Variants in UCHL5 observed in about 807,000 individuals in gnomAD.
UCHL5 encodes the protein ubiquitin carboxyl-terminal hydrolase isozyme L5.
UCHL5 carries 34 observed loss-of-function variants against 53.8 expected under a neutral mutation model. The ratio of observed to expected loss-of-function variants is 0.63; its 90% CI spans 0.48 to 0.84. The LOEUF (loss-of-function observed/expected upper bound fraction) is 0.84, where lower values mean the gene tolerates loss of function less well. UCHL5 is among the 40% of genes least tolerant of loss of function. The pLI is 0.00. For missense variants in UCHL5, 290 were observed against 385.6 expected (o/e 0.75, Z 2.08); for synonymous variants, 111 against 126.3 (o/e 0.88, Z 0.81).
chr1:193,037,866 C>A (rs1416063572), intron 3 of UCHL5, among the ~76,000 whole-genome samples: 1 of 125,944 alleles, frequency 7.9e-6, no homozygotes, highest in Non-Finnish European at 1.6e-5. Flanking sequence ...ACGTTGTGCA[C>A]ATGTACCCTA....
intron 7 of UCHL5, among the ~76,000 whole-genome samples, chr1:193,026,880 G>T (rs1186001289): frequency 6.6e-6 from 1 of 152,082 alleles, no homozygotes; most frequent in Non-Finnish European, 1.5e-5. Flanking sequence ...GAGGCAAAAA[G>T]CTGGTATATC....
At chr1:193,036,317 C>CAAAAAAAAAAAAAAAAA (rs960496083) in intron 3 of UCHL5, among the ~76,000 whole-genome samples, 2 of 50,796 alleles carry the variant, frequency 3.9e-5, no homozygotes, top group African/African-American at 8.9e-5. Flanking sequence ...AACTGGAAAC[C>CAAAAAAAAAAAAAAAAA]AAAAAAAAAA....
At chr1:193,027,110 TA>T (rs915512184) in intron 7 of UCHL5, among the ~76,000 whole-genome samples, 5 of 152,146 alleles carry the variant, frequency 3.3e-5, no homozygotes, top group Non-Finnish European at 5.9e-5. Context: ...TGGTTGTGCC[TA>T]AAAAGAACAA....
intron 10 of UCHL5, chr1:193,018,889 CT>C: frequency 7.2e-7 from 1 of 1,389,948 alleles, no homozygotes; most frequent in Non-Finnish European, 9.7e-7. Context: ...GGTAATTTTT[CT>C]TAGAAGTATT....
At position 193,023,279 on chromosome 1, in the gene UCHL5, C is replaced by T. The variant is rs577870986; in HGVS notation, c.733-243G>A. 5.9e-5 allele frequency among the ~76,000 whole-genome samples: 9 copies of T among 152,220 alleles called. No individual in the cohort carries two copies. The East Asian group carries it at 1.7e-3, about 29-fold the overall frequency. On this transcript the variant is annotated intron_variant, in intron 8 of 10. Coordinates refer to ENST00000367454, the MANE Select transcript of UCHL5 (RefSeq NM_001199261.3). ...ACCTACGCTGTAATATACTCTATTG[C>T]CATATTCTCCTAATACACTATAAAA...
chr1:193,024,618 A>G (rs1156598438), intron 7 of UCHL5, among the ~76,000 whole-genome samples: 1 of 149,132 alleles, frequency 6.7e-6, no homozygotes, highest in East Asian at 1.9e-4. Flanking sequence ...TTAATATAAT[A>G]TATAATTATA....
At position 193,029,458 on chromosome 1, in the gene UCHL5, A is replaced by T; in HGVS notation, c.373-9T>A. On this transcript the variant is annotated splice_polypyrimidine_tract_variant and intron_variant, in intron 4 of 10. Coordinates refer to ENST00000367454, the MANE Select transcript of UCHL5 (RefSeq NM_001199261.3). ...AGTGCCAAGCCTTTCATCTAAAATA[A>T]TTTTTTAAAGTAGCCTATTAATATA... 1 of 1,613,490 alleles carries T rather than the reference A, an allele frequency of 6.2e-7. No individual in the cohort carries two copies. Among genetic ancestry groups the T allele is most frequent in the Non-Finnish European group, 8.5e-7 (1 of 1,179,774 alleles).
chr1:193,041,541 G>A (rs1406325738), intron 3 of UCHL5, among the ~76,000 whole-genome samples: 1 of 152,170 alleles, frequency 6.6e-6, no homozygotes, highest in Non-Finnish European at 1.5e-5. Flanking sequence ...ATGCAAATTT[G>A]AACAGCTACT....
At chr1:193,050,845 C>T (rs1416723217) in intron 2 of UCHL5, among the ~76,000 whole-genome samples, 1 of 152,004 alleles carries the variant, frequency 6.6e-6, no homozygotes, top group Non-Finnish European at 1.5e-5. Flanking sequence ...TAGACTTGAA[C>T]TCCTGGGCTC....
chr1:193,049,956 G>A (rs1241242487), intron 2 of UCHL5, 105 bp from the exon 3 acceptor site: 2 of 973,992 alleles, frequency 2.1e-6, no homozygotes, highest in Non-Finnish European at 2.9e-6. Flanking sequence ...TAATACAAAT[G>A]AAGTAAATAT....
intron 6 of UCHL5, 98 bp downstream of exon 6, chr1:193,029,081 C>T: frequency 7.6e-6 from 11 of 1,448,124 alleles, no homozygotes; most frequent in Non-Finnish European, 8.4e-6. Flanking sequence ...CTCATAGTCA[C>T]TTTTACCTTG....
chr1:193,055,608 T>C (rs1018368614), intron 1 of UCHL5, among the ~76,000 whole-genome samples: 2 of 152,248 alleles, frequency 1.3e-5, no homozygotes, highest in African/African-American at 2.4e-5. Context: ...TTAACAGATG[T>C]TAGATTTTGT....
At chr1:193,045,458 TG>T (rs1340954068) in intron 3 of UCHL5, among the ~76,000 whole-genome samples, 1 of 152,166 alleles carries the variant, frequency 6.6e-6, no homozygotes, top group African/African-American at 2.4e-5. Context: ...CATTTAAAAA[TG>T]TGTGCCCCAC....
At chr1:193,029,501 G>T in intron 4 of UCHL5, 31 bp downstream of exon 4, 2 of 1,612,504 alleles carry the variant, frequency 1.2e-6, no homozygotes, top group South Asian at 2.2e-5. Context: ...TCACAAATAT[G>T]ACATTTTAGG....
chr1:193,028,388 G>A (rs980018039), intron 6 of UCHL5, among the ~76,000 whole-genome samples: 2 of 151,994 alleles, frequency 1.3e-5, no homozygotes, highest in Non-Finnish European at 2.9e-5. Flanking sequence ...TAAACTATTG[G>A]TTCTACGCAT....
intron 3 of UCHL5, among the ~76,000 whole-genome samples, chr1:193,041,986 A>G (rs987886791): frequency 8.6e-5 from 13 of 151,818 alleles, no homozygotes; most frequent in Non-Finnish European, 1.6e-4. Flanking sequence ...TTAGCAGGGT[A>G]TGGTGGTGTG....
intron 7 of UCHL5, among the ~76,000 whole-genome samples, chr1:193,026,106 AT>A (rs1231788574): frequency 5.9e-5 from 9 of 151,668 alleles, no homozygotes; most frequent in African/African-American, 1.5e-4. Context: ...AAAAAAAAAA[AT>A]GACCCGTGAT....
intron 10 of UCHL5, among the ~76,000 whole-genome samples, chr1:193,018,104 T>C (rs1033330773): frequency 6.6e-6 from 1 of 151,508 alleles, no homozygotes; most frequent in Non-Finnish European, 1.5e-5. Flanking sequence ...GATACTAATG[T>C]AGATATTGTT....
intron 10 of UCHL5, among the ~76,000 whole-genome samples, chr1:193,018,051 T>C (rs1655472424): frequency 6.6e-6 from 1 of 151,562 alleles, no homozygotes; most frequent in African/African-American, 2.4e-5. Context: ...GTACCAATGA[T>C]ATTAAAAAGT....
Sources: allele counts gnomAD v4.1 joint callset (sites outside exome capture counted in the v4.1 genomes callset), GRCh38; gene constraint gnomAD v4.1.1; transcripts MANE v1.5; gene names NCBI Gene and HGNC (gene_info 2026-07-23, HGNC 2026-07-21).